MAD1L1: variants seen among roughly 807,000 people sequenced by gnomAD.
MAD1L1 encodes the protein mitotic arrest deficient 1 like 1.
Under a neutral mutation model 96.9 loss-of-function variants are expected in MAD1L1, and 95 were observed. That is an observed-to-expected ratio of 0.98 (90% CI 0.83 to 1.16). The LOEUF is 1.16. MAD1L1 is among the 50% of genes most tolerant of loss of function. The pLI is 0.00. For synonymous variants in MAD1L1, 473 were observed against 396.6 expected, an observed-to-expected ratio of 1.19 and a Z score of -2.29; for missense variants, 1,007 against 954.4, an observed-to-expected ratio of 1.06 and a Z score of -0.73.
intron 10 of MAD1L1, among the ~76,000 whole-genome samples, chr7:2,203,547 G>A (rs1192376457): frequency 6.6e-6 from 1 of 152,210 alleles, no homozygotes; most frequent in Non-Finnish European, 1.5e-5. Flanking sequence ...ATGGCTAATT[G>A]GGGAAAGAAG....
chr7:2,122,489 C>A (rs963833262), intron 11 of MAD1L1, among the ~76,000 whole-genome samples: 2 of 152,116 alleles, frequency 1.3e-5, no homozygotes, highest in African/African-American at 4.8e-5. Context: ...CAGGTCCCAG[C>A]TACTCGGGAG....
chr7:1,964,757 GATC>G (rs757147577), intron 15 of MAD1L1, among the ~76,000 whole-genome samples: 3 of 152,210 alleles, frequency 2.0e-5, no homozygotes, highest in Non-Finnish European at 2.9e-5. Context: ...GGGTAGCCGG[GATC>G]TTGCTTATAA....
At chr7:2,052,368 C>T (rs1331506434) in intron 12 of MAD1L1, among the ~76,000 whole-genome samples, 3 of 152,204 alleles carry the variant, frequency 2.0e-5, no homozygotes, top group Non-Finnish European at 2.9e-5. Context: ...ACCACACAGA[C>T]AGAATGCCCA....
intron 10 of MAD1L1, among the ~76,000 whole-genome samples, chr7:2,203,443 C>T (rs1792420803): frequency 6.6e-6 from 1 of 152,224 alleles, no homozygotes; most frequent in African/African-American, 2.4e-5. Context: ...TCATGCTTTT[C>T]GGGAGGGCGG....
At chr7:2,064,159 G>C (rs920520803) in intron 12 of MAD1L1, among the ~76,000 whole-genome samples, 1 of 152,192 alleles carries the variant, frequency 6.6e-6, no homozygotes, top group Non-Finnish European at 1.5e-5. Context: ...CCTGGCGAGG[G>C]AGCACACAGG....
chr7:2,117,758 T>C (rs1787784162), intron 11 of MAD1L1, among the ~76,000 whole-genome samples: 1 of 152,166 alleles, frequency 6.6e-6, no homozygotes. Context: ...GTCTCGGGTA[T>C]GTCTTCACTA....
chr7:1,958,225 G>A (rs1222118561), intron 15 of MAD1L1, among the ~76,000 whole-genome samples: 1 of 152,176 alleles, frequency 6.6e-6, no homozygotes, highest in Non-Finnish European at 1.5e-5. Flanking sequence ...AGAAACAAAA[G>A]CACGCTTCCA....
intron 10 of MAD1L1, among the ~76,000 whole-genome samples, chr7:2,156,473 C>T (rs934478784): frequency 6.6e-6 from 1 of 152,110 alleles, no homozygotes; most frequent in Non-Finnish European, 1.5e-5. Context: ...CACAAACTCC[C>T]TGGTGATTCT....
intron 17 of MAD1L1, among the ~76,000 whole-genome samples, chr7:1,911,721 C>T (rs556052275): frequency 2.0e-5 from 3 of 151,384 alleles, no homozygotes; most frequent in African/African-American, 4.9e-5. Flanking sequence ...CCAACCGTCT[C>T]CAGTCTGGCG....
At chr7:1,986,001 GT>G (rs1162938579) in intron 14 of MAD1L1, among the ~76,000 whole-genome samples, 2 of 152,152 alleles carry the variant, frequency 1.3e-5, no homozygotes, top group Non-Finnish European at 2.9e-5. Context: ...TCTGCCACTT[GT>G]TTTTGTTCTT....
chr7:1,952,605 T>TGGGAG (rs1052748480), intron 16 of MAD1L1, among the ~76,000 whole-genome samples: 1 of 152,124 alleles, frequency 6.6e-6, no homozygotes, highest in Non-Finnish European at 1.5e-5. Context: ...GGCTCACGCA[T>TGGGAG]GGGAGGGGAG....
chr7:1,993,810 A>T (rs1781447034), intron 14 of MAD1L1, among the ~76,000 whole-genome samples: 1 of 152,214 alleles, frequency 6.6e-6, no homozygotes, highest in African/African-American at 2.4e-5. Flanking sequence ...GGACAGAGGG[A>T]AGATGAAGCA....
At chr7:2,167,219 A>T (rs147329649) in intron 10 of MAD1L1, among the ~76,000 whole-genome samples, 1 of 152,328 alleles carries the variant, frequency 6.6e-6, no homozygotes, top group Admixed American at 6.5e-5. Context: ...GACTTCAGAG[A>T]TAACAGGTGA....
intron 10 of MAD1L1, among the ~76,000 whole-genome samples, chr7:2,163,237 A>C (rs1440614896): frequency 6.6e-6 from 1 of 152,184 alleles, no homozygotes; most frequent in African/African-American, 2.4e-5. Flanking sequence ...AAAACTCAGG[A>C]GTGATCACAG....
At chr7:2,152,772 C>T (rs1562734663) in intron 10 of MAD1L1, among the ~76,000 whole-genome samples, 1 of 152,154 alleles carries the variant, frequency 6.6e-6, no homozygotes, top group African/African-American at 2.4e-5. Context: ...ATCCCTATGC[C>T]GTTAACTTTA....
chr7:2,166,324 G>A (rs6966852), intron 10 of MAD1L1, among the ~76,000 whole-genome samples: 9,218 of 152,154 alleles, frequency 0.061, 944 homozygotes, highest in African/African-American at 0.21. Context: ...AAGAAATGCC[G>A]GCTTTACAGT....
intron 6 of MAD1L1, 54 bp downstream of exon 6, chr7:2,219,278 C>A: frequency 1.4e-6 from 2 of 1,480,542 alleles, no homozygotes; most frequent in South Asian, 2.5e-5. Flanking sequence ...AGAGGTGGGA[C>A]GCATGCCCCC....
intron 10 of MAD1L1, among the ~76,000 whole-genome samples, chr7:2,186,805 TTTCTC>T (rs945407298): frequency 9.9e-5 from 15 of 151,772 alleles, no homozygotes; most frequent in African/African-American, 3.6e-4. Flanking sequence ...TTTTTTTTTT[TTTCTC>T]TGAGACGGAC....
intron 15 of MAD1L1, among the ~76,000 whole-genome samples, chr7:1,970,516 T>C (rs1029953045): frequency 1.3e-5 from 2 of 152,068 alleles, no homozygotes; most frequent in Admixed American, 6.5e-5. Flanking sequence ...CCATTTTTAG[T>C]AGAGACGGGG....
Sources: allele counts gnomAD v4.1 joint callset (sites outside exome capture counted in the v4.1 genomes callset), GRCh38; gene constraint gnomAD v4.1.1; transcripts MANE v1.5; gene names NCBI Gene and HGNC (gene_info 2026-07-23, HGNC 2026-07-21).